The following CCSER1 variants were observed in gnomAD, a reference collection of about 807,000 sequenced individuals.
The protein encoded by CCSER1 is coiled-coil serine rich protein 1.
CCSER1 carries 41 observed loss-of-function variants against 82.0 expected under a neutral mutation model. That is an observed-to-expected ratio of 0.50 (90% CI 0.39 to 0.65). The LOEUF is 0.65. CCSER1 is among the 30% of genes least tolerant of loss of function. The pLI is 0.00. For missense variants in CCSER1, 1,119 were observed against 1,064.2 expected (o/e 1.05, Z -0.72); for synonymous variants, 414 against 383.9 (o/e 1.08, Z -0.92).
At chr4:91,112,879 A>G (rs1339027507) in intron 10 of CCSER1, 2 of 152,216 alleles carry the variant, frequency 1.3e-5, no homozygotes, top group Non-Finnish European at 2.9e-5. Context: ...GCTAAACTTC[A>G]TCAACTGAGA....
chr4:91,115,382 A>G (rs1581584365), intron 10 of CCSER1, among the ~76,000 whole-genome samples: 1 of 151,978 alleles, frequency 6.6e-6, no homozygotes, highest in African/African-American at 2.4e-5. Context: ...GCTGGAGTGC[A>G]GTGGCCTGAT....
intron 1 of CCSER1, among the ~76,000 whole-genome samples, chr4:90,207,246 C>A (rs927034974): frequency 6.6e-6 from 1 of 151,826 alleles, no homozygotes; most frequent in Non-Finnish European, 1.5e-5. Flanking sequence ...TTAAGTTGAT[C>A]TTCAATCTCT....
chr4:90,816,492 T>C (rs1759034319), intron 8 of CCSER1, among the ~76,000 whole-genome samples: 1 of 152,228 alleles, frequency 6.6e-6, no homozygotes, highest in South Asian at 2.1e-4. Flanking sequence ...AGTATGTGTT[T>C]TCTATGTATC....
intron 5 of CCSER1, among the ~76,000 whole-genome samples, chr4:90,602,826 A>C (rs1303548807): frequency 6.6e-6 from 1 of 152,128 alleles, no homozygotes; most frequent in African/African-American, 2.4e-5. Flanking sequence ...TTATAAGGAG[A>C]CTGATAACAA....
chr4:91,109,231 A>G (rs931238429), intron 10 of CCSER1, among the ~76,000 whole-genome samples: 2 of 152,144 alleles, frequency 1.3e-5, no homozygotes, highest in Non-Finnish European at 2.9e-5. Flanking sequence ...CAGACTAGCA[A>G]GGGTCTTCTC....
At chr4:90,634,109 T>C (rs541168076) in intron 6 of CCSER1, among the ~76,000 whole-genome samples, 1 of 151,830 alleles carries the variant, frequency 6.6e-6, no homozygotes, top group African/African-American at 2.4e-5. Context: ...CAGAGGTGGG[T>C]TTTGTTTTAA....
At chr4:91,299,955 A>G (rs1298110890) in intron 10 of CCSER1, among the ~76,000 whole-genome samples, 1 of 151,998 alleles carries the variant, frequency 6.6e-6, no homozygotes, top group Non-Finnish European at 1.5e-5. Flanking sequence ...AGTAAAAGAG[A>G]AACACACACA....
intron 10 of CCSER1, among the ~76,000 whole-genome samples, chr4:91,167,583 A>T (rs1358185495): frequency 6.6e-6 from 1 of 152,218 alleles, no homozygotes; most frequent in Non-Finnish European, 1.5e-5. Flanking sequence ...AAATCCGTAA[A>T]TTGAATTGTG....
chr4:90,782,684 TC>T lies in CCSER1; in HGVS notation c.2011-33077del, dbSNP rs200144924. 1.8e-3 allele frequency among the ~76,000 whole-genome samples: 222 copies of T among 124,412 alleles called. 6 individuals are homozygous for T. Among genetic ancestry groups the T allele is most frequent in the African/African-American group, 5.8e-3 (208 of 36,152 alleles). 81.6% of individuals were successfully genotyped at this position (124,412 alleles called of 152,430 possible). On this transcript the variant is annotated intron_variant, in intron 7 of 10. Coordinates refer to ENST00000509176, the MANE Select transcript of CCSER1 (RefSeq NM_001145065.2). ...CAGGGATTTCTTTCTTTTCTTTCTT[TC>T]TTTTTTTTTTTTTTTTGAGACAGTC...
At chr4:91,260,725 C>G (rs982547243) in intron 10 of CCSER1, among the ~76,000 whole-genome samples, 2 of 151,918 alleles carry the variant, frequency 1.3e-5, no homozygotes, top group African/African-American at 4.8e-5. Context: ...ATGTTAGAAC[C>G]ACTTACCTAG....
At chr4:91,150,153 G>C (rs532448605) in intron 10 of CCSER1, among the ~76,000 whole-genome samples, 3 of 152,016 alleles carry the variant, frequency 2.0e-5, no homozygotes, top group East Asian at 1.9e-4. Flanking sequence ...CTTTTATTTC[G>C]TTGAGCAGTG....
In CCSER1 at chr4:90,675,455, G is replaced by T. The variant is rs557786952; in HGVS notation, c.1932+47223G>T. ...TATTTTGTGGATTCACAAAATATTA[G>T]TTTGAAATCAAATTGGTATTTTTTG... is the stretch of plus-strand genomic sequence containing the variant. On this transcript the variant is annotated intron_variant, in intron 6 of 10. Coordinates refer to ENST00000509176, the MANE Select transcript of CCSER1 (RefSeq NM_001145065.2). Among the ~76,000 whole-genome samples, 7 of 151,918 alleles carry T rather than the reference G, an allele frequency of 4.6e-5. No homozygotes were observed. In the South Asian group the frequency reaches 6.2e-4, roughly 14 times the overall value.
chr4:90,640,722 G>A (rs745577665), intron 6 of CCSER1, among the ~76,000 whole-genome samples: 11 of 152,116 alleles, frequency 7.2e-5, no homozygotes, highest in Middle Eastern at 3.2e-3. Context: ...CTCAGGAGAC[G>A]TGATAGTTTA....
chr4:91,160,990 T>C (rs1731334538), intron 10 of CCSER1, among the ~76,000 whole-genome samples: 1 of 152,202 alleles, frequency 6.6e-6, no homozygotes. Flanking sequence ...GCCTATGTCT[T>C]GAATGGTATT....
chr4:91,512,549 T>C (rs1490815435), intron 10 of CCSER1, among the ~76,000 whole-genome samples: 1 of 152,170 alleles, frequency 6.6e-6, no homozygotes, highest in East Asian at 1.9e-4. Flanking sequence ...GAAGACAGCC[T>C]ATTGTGAGCC....
rs557192110 is a variant in CCSER1 at position 90,830,203 on chromosome 4, G to A, written c.2094+14358G>A. Among the ~76,000 whole-genome samples, 11 of 152,220 alleles carry A rather than the reference G, an allele frequency of 7.2e-5. No homozygotes were observed. The South Asian group carries it at 2.1e-3, about 29-fold the overall frequency. On this transcript the variant is annotated intron_variant, in intron 8 of 10. Transcript: ENST00000509176. Reference sequence around the variant, plus strand: ...CATAAAATGTTGAGAAGTATATGAAGCAAATAATTGTTCATACTATGTGTC... The same window carrying A: ...CATAAAATGTTGAGAAGTATATGAAACAAATAATTGTTCATACTATGTGTC...
At chr4:91,301,680 G>T (rs1231924378) in intron 10 of CCSER1, among the ~76,000 whole-genome samples, 1 of 151,614 alleles carries the variant, frequency 6.6e-6, no homozygotes, top group Non-Finnish European at 1.5e-5. Flanking sequence ...TCACTTTTCG[G>T]GTTGCTACTT....
intron 9 of CCSER1, among the ~76,000 whole-genome samples, chr4:90,996,597 T>C (rs1737515671): frequency 6.6e-6 from 1 of 152,138 alleles, no homozygotes; most frequent in Non-Finnish European, 1.5e-5. Context: ...TTTAAATCAT[T>C]CTACCAATAG....
At chr4:90,326,650 TTATG>T (rs1738266185) in intron 3 of CCSER1, among the ~76,000 whole-genome samples, 1 of 152,186 alleles carries the variant, frequency 6.6e-6, no homozygotes, top group Admixed American at 6.5e-5. Context: ...AGTGATTAAT[TTATG>T]TGTCAGTGAG....
Sources: gnomAD v4.1 joint callset for allele counts (sites outside exome capture counted in the v4.1 genomes callset) on GRCh38, gnomAD v4.1.1 for gene constraint, MANE v1.5 for transcripts, NCBI Gene and HGNC (gene_info 2026-07-23, HGNC 2026-07-21) for gene names.